Variants in KCNC2 observed in about 807,000 individuals in gnomAD.
KCNC2 encodes potassium voltage-gated channel subfamily C member 2, also known as voltage-gated potassium channel KCNC2.
Under a neutral mutation model 44.5 loss-of-function variants are expected in KCNC2, and 21 were observed. That is an observed-to-expected ratio of 0.47 (90% CI 0.33 to 0.68). The LOEUF (loss-of-function observed/expected upper bound fraction) is 0.68, where lower values mean the gene tolerates loss of function less well. Ranked by LOEUF, KCNC2 falls within the 30% of genes least tolerant of loss-of-function variation. The pLI is 0.01. For missense variants in KCNC2, 589 were observed against 826.2 expected (o/e 0.71, Z 3.52); for synonymous variants, 391 against 339.1 (o/e 1.15, Z -1.68).
chr12:75,169,477 G>T (rs937614723), intron 2 of KCNC2, among the ~76,000 whole-genome samples: 3 of 151,542 alleles, frequency 2.0e-5, no homozygotes, highest in Non-Finnish European at 4.4e-5. Flanking sequence ...GAAATCAAAA[G>T]AGATATAGGA....
intron 4 of KCNC2, among the ~76,000 whole-genome samples, chr12:75,045,822 C>T (rs769907767): frequency 4.6e-5 from 7 of 151,756 alleles, no homozygotes; most frequent in Non-Finnish European, 7.4e-5. Context: ...TGCCCAATTA[C>T]GTTCATATTT....
At chr12:75,054,170 G>A (rs35395721) in intron 2 of KCNC2, among the ~76,000 whole-genome samples, 24,725 of 151,282 alleles carry the variant, frequency 0.16, 2,392 homozygotes, top group Admixed American at 0.26. Context: ...AGGTTGCAGT[G>A]AGCCAAGATT....
intron 2 of KCNC2, among the ~76,000 whole-genome samples, chr12:75,125,713 T>C (rs1420431871): frequency 6.6e-6 from 1 of 152,238 alleles, no homozygotes; most frequent in Admixed American, 6.5e-5. Flanking sequence ...AATTGTGAAG[T>C]ACATTTCATG....
chr12:75,108,336 T>G (rs1181308764), intron 2 of KCNC2, among the ~76,000 whole-genome samples: 1 of 152,208 alleles, frequency 6.6e-6, no homozygotes, highest in African/African-American at 2.4e-5. Flanking sequence ...TATTTCTAAT[T>G]TAATGATAAC....
At chr12:75,191,796 G>A (rs544122426) in intron 2 of KCNC2, among the ~76,000 whole-genome samples, 3 of 151,438 alleles carry the variant, frequency 2.0e-5, no homozygotes, top group African/African-American at 7.3e-5. Context: ...TGATCCACCC[G>A]CCTCGGCCTC....
intron 2 of KCNC2, among the ~76,000 whole-genome samples, chr12:75,185,657 T>G (rs1439663051): frequency 1.3e-5 from 2 of 152,092 alleles, no homozygotes; most frequent in Non-Finnish European, 2.9e-5. Context: ...TCTGTGATAT[T>G]CTGCTATAGC....
At chr12:75,058,310 A>T in intron 2 of KCNC2, among the ~76,000 whole-genome samples, 1 of 151,786 alleles carries the variant, frequency 6.6e-6, no homozygotes, top group East Asian at 1.9e-4. Flanking sequence ...GCAATTATTT[A>T]AAATTCCCCC....
chr12:75,049,357 G>A (rs111279305), intron 3 of KCNC2, among the ~76,000 whole-genome samples: 3,094 of 152,046 alleles, frequency 0.02, 107 homozygotes, highest in African/African-American at 0.07. Context: ...ATCATCATAA[G>A]TCATTTTTCT....
intron 2 of KCNC2, among the ~76,000 whole-genome samples, chr12:75,179,965 T>C (rs1474678820): frequency 2.0e-5 from 3 of 151,796 alleles, no homozygotes; most frequent in Non-Finnish European, 4.4e-5. Flanking sequence ...ATATCATCTA[T>C]TTGTAGACTG....
At chr12:75,153,586 C>T (rs535130629) in intron 2 of KCNC2, among the ~76,000 whole-genome samples, 4 of 151,566 alleles carry the variant, frequency 2.6e-5, no homozygotes, top group South Asian at 4.2e-4. Flanking sequence ...TATCCATTAA[C>T]AAAACTGCAC....
chr12:75,207,585 G>T lies in KCNC2; in HGVS notation c.399C>A (p.Leu133=). ...LHCPADVCGP[L]FEEELAFWGI... ...CCCAGAAGGCCAGCTCCTCCTCGAAGAGCGGCCCGCACACGTCTGCGGGGC... is the reference window on the plus strand; with the variant it reads ...CCCAGAAGGCCAGCTCCTCCTCGAATAGCGGCCCGCACACGTCTGCGGGGC... The change falls in exon 2 of 5, where the codon CTC becomes CTA. Residue 133 remains leucine, a synonymous_variant. Coordinates refer to ENST00000549446, the MANE Select transcript of KCNC2 (RefSeq NM_139137.4). The surrounding 1 kb of genome is among the most constrained non-coding windows in gnomAD (Gnocchi z 4.1). 1.9e-6 allele frequency: 3 copies of T among 1,612,150 alleles called. No individual in the cohort carries two copies.
intron 2 of KCNC2, among the ~76,000 whole-genome samples, chr12:75,084,544 T>G (rs112967522): frequency 1.3e-4 from 20 of 152,064 alleles, no homozygotes; most frequent in Non-Finnish European, 1.8e-4. Context: ...TGTTTCTTCC[T>G]CATTTTTCTC....
intron 2 of KCNC2, among the ~76,000 whole-genome samples, chr12:75,108,629 T>A (rs961306036): frequency 2.6e-5 from 4 of 152,190 alleles, no homozygotes; most frequent in African/African-American, 9.7e-5. Flanking sequence ...GCTGTTGAAT[T>A]TCATAAACCC....
At chr12:75,154,346 G>T (rs1890614620) in intron 2 of KCNC2, among the ~76,000 whole-genome samples, 1 of 151,956 alleles carries the variant, frequency 6.6e-6, no homozygotes, top group South Asian at 2.1e-4. Flanking sequence ...ATACAAAACT[G>T]GCTTTATAGA....
chr12:75,181,746 C>T (rs1261951982), intron 2 of KCNC2, among the ~76,000 whole-genome samples: 1 of 151,958 alleles, frequency 6.6e-6, no homozygotes, highest in African/African-American at 2.4e-5. Context: ...CAACAGATCT[C>T]AATTTCTTCA....
At chr12:75,178,526 G>A (rs564677649) in intron 2 of KCNC2, among the ~76,000 whole-genome samples, 6 of 152,068 alleles carry the variant, frequency 3.9e-5, no homozygotes, top group African/African-American at 1.2e-4. Context: ...AGACTTCATT[G>A]TAGATTGAAA....
At position 75,060,469 on chromosome 12, in the gene KCNC2, T is replaced by C. The variant is rs1029276554; in HGVS notation, c.688-9152A>G. On this transcript the variant is annotated intron_variant, in intron 2 of 4. Coordinates refer to ENST00000549446, the MANE Select transcript of KCNC2 (RefSeq NM_139137.4). Reference sequence around the variant, plus strand: ...AATATGGAATGTTCTTTTAAAAACCTTATTTTTATTTTTTGAGACAAGGTC... The same window carrying C: ...AATATGGAATGTTCTTTTAAAAACCCTATTTTTATTTTTTGAGACAAGGTC... 2.0e-5 allele frequency among the ~76,000 whole-genome samples: 3 copies of C among 152,004 alleles called. No individual in the cohort carries two copies. In the East Asian group the frequency reaches 5.8e-4, roughly 29 times the overall value.
intron 2 of KCNC2, among the ~76,000 whole-genome samples, chr12:75,155,908 A>G (rs1299003459): frequency 3.3e-5 from 5 of 151,932 alleles, no homozygotes; most frequent in Admixed American, 2.6e-4. Context: ...AAGAAATGGG[A>G]CTGTACATGA....
intron 2 of KCNC2, among the ~76,000 whole-genome samples, chr12:75,143,655 A>C (rs1889815121): frequency 6.6e-6 from 1 of 152,148 alleles, no homozygotes; most frequent in Admixed American, 6.5e-5. Flanking sequence ...TGACTTTATG[A>C]CATAAAAATT....
Sources: allele counts gnomAD v4.1 joint callset (sites outside exome capture counted in the v4.1 genomes callset), GRCh38; gene constraint gnomAD v4.1.1; non-coding constraint Gnocchi (gnomAD v3.1); transcripts MANE v1.5; gene names NCBI Gene and HGNC (gene_info 2026-07-23, HGNC 2026-07-21).